CFAP96: variants seen among roughly 807,000 people sequenced by gnomAD.
CFAP96 encodes cilia-and flagella-associated protein 96.
the CFAP96 span, among the ~76,000 whole-genome samples, chr4:185,447,326 C>T: frequency 6.3e-4 from 96 of 152,058 alleles, 1 homozygote; most frequent in African/African-American, 2.1e-3. Context: ...GGACTACAGG[C>T]GCCCGCCACC....
At chr4:185,439,297 TG>T in the CFAP96 span, among the ~76,000 whole-genome samples, 1 of 152,066 alleles carries the variant, frequency 6.6e-6, no homozygotes, top group Non-Finnish European at 1.5e-5. Flanking sequence ...ACCATTGTTG[TG>T]ATATGGAAGG....
chr4:185,448,411 T>G, the CFAP96 span, among the ~76,000 whole-genome samples: 1 of 152,114 alleles, frequency 6.6e-6, no homozygotes, highest in African/African-American at 2.4e-5. Context: ...ATGGTGACCG[T>G]TTTTTGCATA....
the CFAP96 span, chr4:185,415,950 G>A: frequency 8.3e-7 from 1 of 1,207,634 alleles, no homozygotes; most frequent in Non-Finnish European, 1.1e-6. Flanking sequence ...TTTCAAAAAT[G>A]TATTTATTAT....
the CFAP96 span, among the ~76,000 whole-genome samples, chr4:185,418,063 C>CACACACACACACACACAA: frequency 6.6e-6 from 1 of 150,492 alleles, no homozygotes; most frequent in Non-Finnish European, 1.5e-5. Flanking sequence ...CACACACACA[C>CACACACACACACACACAA]ACACAAACAA....
At chr4:185,423,855 A>G in the CFAP96 span, among the ~76,000 whole-genome samples, 1 of 152,200 alleles carries the variant, frequency 6.6e-6, no homozygotes, top group African/African-American at 2.4e-5. Context: ...GAAGGGAGAA[A>G]GAGAGCGGGA....
chr4:185,413,554 A>G, the CFAP96 span, among the ~76,000 whole-genome samples: 2 of 152,248 alleles, frequency 1.3e-5, no homozygotes, highest in African/African-American at 4.8e-5. Flanking sequence ...TAACTTTTCT[A>G]GACCATTTTT....
chr4:185,449,666 TC>T, the CFAP96 span: 2 of 1,494,138 alleles, frequency 1.3e-6, no homozygotes. Context: ...CAAGTAGCTT[TC>T]TAGATCTTAA....
chr4:185,415,723 C>G, the CFAP96 span: 2 of 1,609,048 alleles, frequency 1.2e-6, no homozygotes, highest in Non-Finnish European at 1.7e-6. Flanking sequence ...CCCCATGTTT[C>G]TTCTGGAGCA....
At chr4:185,417,341 A>C in the CFAP96 span, among the ~76,000 whole-genome samples, 2 of 152,210 alleles carry the variant, frequency 1.3e-5, no homozygotes, top group Non-Finnish European at 2.9e-5. Flanking sequence ...CAATTATTTT[A>C]TGCATTCTAC....
the CFAP96 span, among the ~76,000 whole-genome samples, chr4:185,413,104 C>T: frequency 7.2e-5 from 11 of 152,098 alleles, no homozygotes; most frequent in Admixed American, 6.6e-5. Context: ...CAGGAGTTCA[C>T]GACCAGCCTG....
chr4:185,409,150 G>A, the CFAP96 span, among the ~76,000 whole-genome samples: 1 of 151,974 alleles, frequency 6.6e-6, no homozygotes, highest in Non-Finnish European at 1.5e-5. Flanking sequence ...ATAAAGGAAT[G>A]AACAAACAAA....
At chr4:185,422,944 C>T in the CFAP96 span, among the ~76,000 whole-genome samples, 10 of 152,292 alleles carry the variant, frequency 6.6e-5, no homozygotes, top group South Asian at 2.1e-4. Context: ...CTGCAACCTC[C>T]GCCTCCTGGG....
At chr4:185,443,921 C>CTT in the CFAP96 span, among the ~76,000 whole-genome samples, 12 of 82,832 alleles carry the variant, frequency 1.4e-4, no homozygotes, top group African/African-American at 4.7e-4. Flanking sequence ...CTATATCTTT[C>CTT]TTTTTTTTTT....
the CFAP96 span, chr4:185,445,018 C>A: frequency 6.4e-7 from 1 of 1,551,392 alleles, no homozygotes; most frequent in South Asian, 1.2e-5. Flanking sequence ...TTCTGCTGAC[C>A]CTTATGTGGC....
the CFAP96 span, chr4:185,418,832 A>G: frequency 5.5e-6 from 7 of 1,282,074 alleles, no homozygotes; most frequent in Non-Finnish European, 7.4e-6. Flanking sequence ...GAATGGTTCC[A>G]AACATACACA....
chr4:185,445,634 T>C, the CFAP96 span: 1 of 798,130 alleles, frequency 1.3e-6, no homozygotes, highest in Non-Finnish European at 2.0e-6. Context: ...ATCTTAAAAC[T>C]TCAATTTTAT....
chr4:185,410,090 T>TA, the CFAP96 span, among the ~76,000 whole-genome samples: 1 of 152,048 alleles, frequency 6.6e-6, no homozygotes, highest in Non-Finnish European at 1.5e-5. Context: ...ATTTCAGAGT[T>TA]AGTTTCACTT....
chr4:185,410,430 C>T, the CFAP96 span, among the ~76,000 whole-genome samples: 1 of 149,404 alleles, frequency 6.7e-6, no homozygotes, highest in African/African-American at 2.5e-5. Flanking sequence ...GGGTAGATCA[C>T]CTAAAGTCAG....
the CFAP96 span, among the ~76,000 whole-genome samples, chr4:185,440,381 T>C: frequency 2.0e-5 from 3 of 152,274 alleles, no homozygotes; most frequent in Admixed American, 2.0e-4. Context: ...ATCTTTTGTA[T>C]CATAAAAATA....
Sources: allele counts gnomAD v4.1 joint callset (sites outside exome capture counted in the v4.1 genomes callset), GRCh38; gene constraint gnomAD v4.1.1; transcripts MANE v1.5; gene names NCBI Gene and HGNC (gene_info 2026-07-23, HGNC 2026-07-21).